The following ARHGAP23 variants were observed in gnomAD, a reference collection of about 807,000 sequenced individuals.
ARHGAP23 encodes the protein Rho GTPase activating protein 23.
A neutral mutation model predicts 136.3 loss-of-function variants in ARHGAP23; 34 were observed. The ratio of observed to expected loss-of-function variants is 0.25; its 90% CI spans 0.19 to 0.33. The LOEUF is 0.33. Ranked by LOEUF, ARHGAP23 falls within the 10% of genes least tolerant of loss-of-function variation. The probability of loss-of-function intolerance (pLI) is 1.00; values close to 1 mark genes in which losing one functional copy is unlikely to be tolerated. For synonymous variants in ARHGAP23, 832 were observed against 920.5 expected, an observed-to-expected ratio of 0.90 and a Z score of 1.74; for missense variants, 1,808 against 2,139.0, an observed-to-expected ratio of 0.85 and a Z score of 3.05.
intron 1 of ARHGAP23, chr17:38,454,161 G>GCCGC (rs2144590880): frequency 1.3e-5 from 2 of 152,658 alleles, no homozygotes; most frequent in South Asian, 3.6e-4. Flanking sequence ...CGGGGCCGGG[G>GCCGC]CCGGGGCCGG....
At chr17:38,464,970 C>A (rs190744025) in intron 6 of ARHGAP23, among the ~76,000 whole-genome samples, 1,717 of 152,282 alleles carry the variant, frequency 0.011, 19 homozygotes, top group African/African-American at 0.038. Context: ...CCTCCCTCCT[C>A]CTCCCGCCAG....
rs1000508338 is a variant in ARHGAP23 at position 38,466,788 on chromosome 17, G to A, written c.1105G>A (p.Ala369Thr). ...TTCTGCCGAGGCACTGGGGCCAGGG[G>A]CACTGGTGTCACCCCGCTTTGAGCG... ...TRSAEALGPGALVSPRFERCG... is the reference protein window; with the variant it reads ...TRSAEALGPGTLVSPRFERCG... The change falls in exon 7 of 24, where the codon GCA becomes ACA. Residue 369 changes from alanine (A) to threonine (T), a missense_variant. Coordinates refer to ENST00000622683, the MANE Select transcript of ARHGAP23 (RefSeq NM_001199417.2). 1.2e-5 allele frequency: 19 copies of A among 1,549,172 alleles called. No individual in the cohort carries two copies. Among genetic ancestry groups the A allele is most frequent in the Non-Finnish European group, 1.6e-5 (18 of 1,146,486 alleles).
chr17:38,510,971 G>A lies in ARHGAP23; in HGVS notation c.4475G>A (p.Ter1492=). The change falls in exon 24 of 24, where the codon TGA becomes TAA. Residue 1492 remains the stop codon, a stop_retained_variant. Transcript: ENST00000622683. This position sits in a 1 kb window ranked among gnomAD's most constrained non-coding sequence, Gnocchi z 4.6. ...SAASRLHQCL[*] Reference sequence around the variant, plus strand: ...GCCTCCCGCCTGCATCAGTGTCTGTGATCCCCACCTCCCGCGCCGCTCGGG... The same window carrying A: ...GCCTCCCGCCTGCATCAGTGTCTGTAATCCCCACCTCCCGCGCCGCTCGGG... The A allele has an allele frequency of 7.0e-7, 1 of 1,436,912 alleles. No homozygotes were observed. The highest frequency in any genetic ancestry group is 9.0e-7 in the Non-Finnish European group (1 of 1,107,708). 89.0% of individuals were successfully genotyped at this position (1,436,912 alleles called of 1,614,324 possible).
rs2040775925 is a variant in ARHGAP23, at chr17:38,512,110, T to C, written c.*1138T>C. On this transcript the variant is annotated 3_prime_UTR_variant, in exon 24 of 24. Coordinates refer to ENST00000622683, the MANE Select transcript of ARHGAP23 (RefSeq NM_001199417.2). ...TTTTATGCAAAGATTTACTGTAAAGTAGATTTCTTTCCCTCCCTCCCCCAT... is the reference window on the plus strand; with the variant it reads ...TTTTATGCAAAGATTTACTGTAAAGCAGATTTCTTTCCCTCCCTCCCCCAT... 6.6e-6 allele frequency: 1 copy of C among 152,176 alleles called. No individual in the cohort carries two copies. The highest frequency in any genetic ancestry group is 1.5e-5 in the Non-Finnish European group (1 of 68,028). 9.4% of individuals were successfully genotyped at this position (152,176 alleles called of 1,614,324 possible). A position where few individuals can be genotyped will look rare whatever the true frequency, so the allele number is the denominator to read the frequency against.
Position 38,500,542 on chromosome 17 carries a change from A to G in ARHGAP23, c.3416-55A>G, listed in dbSNP as rs1416581684. The G allele has an allele frequency of 3.3e-6, 5 of 1,494,812 alleles. No individual in the cohort carries two copies. In the African/African-American group the frequency reaches 5.6e-5, roughly 17 times the overall value. The allele number at this position is 1,494,812 out of a possible 1,614,324, so 92.6% of individuals were successfully genotyped here. A position where few individuals can be genotyped will look rare whatever the true frequency, so the allele number is the denominator to read the frequency against. On this transcript the variant is annotated intron_variant, in intron 22 of 23. Transcript: ENST00000622683. ...AGAGGGAATTGTGTGCATAAGACTCAGCTTTCTTTTTTCCTGATGCAACTT... is the reference window on the plus strand; with the variant it reads ...AGAGGGAATTGTGTGCATAAGACTCGGCTTTCTTTTTTCCTGATGCAACTT...
intron 1 of ARHGAP23, among the ~76,000 whole-genome samples, chr17:38,435,335 G>C (rs1346504102): frequency 2.0e-5 from 3 of 152,288 alleles, no homozygotes; most frequent in Admixed American, 6.5e-5. Flanking sequence ...TGTCATAAGA[G>C]GGTTGTAGAG....
chr17:38,449,907 CTG>C (rs1451955873), intron 1 of ARHGAP23, among the ~76,000 whole-genome samples: 1 of 152,196 alleles, frequency 6.6e-6, no homozygotes, highest in Non-Finnish European at 1.5e-5. Context: ...ACCACACGCC[CTG>C]CAACACGTCA....
intron 23 of ARHGAP23, among the ~76,000 whole-genome samples, chr17:38,505,346 A>G (rs2040610970): frequency 6.6e-6 from 1 of 151,576 alleles, no homozygotes; most frequent in Non-Finnish European, 1.5e-5. Flanking sequence ...GAGGAAGGGG[A>G]CCACTTTTGT....
At chr17:38,458,953 G>A (rs2039395405) in intron 2 of ARHGAP23, among the ~76,000 whole-genome samples, 1 of 152,162 alleles carries the variant, frequency 6.6e-6, no homozygotes, top group African/African-American at 2.4e-5. Flanking sequence ...TGTTCTCTGA[G>A]TCCAGGAACC....
At chr17:38,498,531 G>T (rs1433477540) in intron 22 of ARHGAP23, 21 bp downstream of exon 22, 1 of 1,517,192 alleles carries the variant, frequency 6.6e-7, no homozygotes, top group Admixed American at 2.1e-5. Flanking sequence ...GGGCCTGGGA[G>T]TGGGGAGGCG....
At chr17:38,459,729 A>G (rs569952220) in intron 2 of ARHGAP23, among the ~76,000 whole-genome samples, 8 of 152,274 alleles carry the variant, frequency 5.3e-5, no homozygotes, top group African/African-American at 1.9e-4. Context: ...AGGCAGGAGG[A>G]GGCTGTGTTC....
chr17:38,505,609 T>C (rs565267964), intron 23 of ARHGAP23, among the ~76,000 whole-genome samples: 2 of 152,296 alleles, frequency 1.3e-5, no homozygotes, highest in South Asian at 2.1e-4. Context: ...AATGCAGGGA[T>C]TCCCTATCTA....
rs2039987059 is a variant in ARHGAP23 at position 38,479,768 on chromosome 17, C to T, written c.2514C>T (p.Pro838=). The change falls in exon 14 of 24, where the codon CCC becomes CCT. Residue 838 remains proline, a synonymous_variant. Transcript: ENST00000622683. ...TCCTACACAGCCATAGCTCTGGGCC[C>T]AAAGCTGATTCCTCCCCCAAAGGCT... ...DYRKVSHSSG[P]KADSSPKGSR... The T allele has an allele frequency of 1.3e-6, 2 of 1,493,800 alleles. No homozygotes were observed. The highest frequency in any genetic ancestry group is 1.8e-6 in the Non-Finnish European group (2 of 1,119,008). The allele number at this position is 1,493,800 out of a possible 1,614,324, so 92.5% of individuals were successfully genotyped here. A position where few individuals can be genotyped will look rare whatever the true frequency, so the allele number is the denominator to read the frequency against.
At position 38,477,932 on chromosome 17, in the gene ARHGAP23, G is replaced by A. The variant is rs943601600; in HGVS notation, c.2436+36G>A. 5.8e-6 allele frequency: 9 copies of A among 1,545,668 alleles called. No homozygotes were observed. Among genetic ancestry groups the A allele is most frequent in the Non-Finnish European group, 7.0e-6 (8 of 1,144,788 alleles). On this transcript the variant is annotated intron_variant, in intron 12 of 23. Coordinates refer to ENST00000622683, the MANE Select transcript of ARHGAP23 (RefSeq NM_001199417.2). The surrounding 1 kb of genome is among the most constrained non-coding windows in gnomAD (Gnocchi z 6.6). ...GGCCAGCCCGGCAGCCACAGAGGGC[G>A]GGCGGGGTGGCCTCTCACCGGCTGT...
chr17:38,495,036 T>C (rs531913316), intron 20 of ARHGAP23, among the ~76,000 whole-genome samples: 2 of 152,310 alleles, frequency 1.3e-5, no homozygotes, highest in South Asian at 4.1e-4. Flanking sequence ...TGACATCTAT[T>C]ATACATTAAC....
intron 14 of ARHGAP23, among the ~76,000 whole-genome samples, chr17:38,481,383 G>C (rs1363876667): frequency 6.6e-6 from 1 of 151,994 alleles, no homozygotes; most frequent in African/African-American, 2.4e-5. Flanking sequence ...TCCTGACCTC[G>C]TGATCCGCCC....
At chr17:38,464,929 A>T (rs2039548818) in intron 6 of ARHGAP23, among the ~76,000 whole-genome samples, 1 of 152,026 alleles carries the variant, frequency 6.6e-6, no homozygotes, top group South Asian at 2.1e-4. Flanking sequence ...GCCACCACCG[A>T]CGCGGCGAGG....
chr17:38,421,308 A>T (rs1165298557), intron 1 of ARHGAP23, among the ~76,000 whole-genome samples: 2 of 152,042 alleles, frequency 1.3e-5, no homozygotes, highest in African/African-American at 4.8e-5. Flanking sequence ...GTCCTAGGAC[A>T]CCTCTGCCAA....
At chr17:38,482,871 G>A (rs1389707997) in intron 16 of ARHGAP23, among the ~76,000 whole-genome samples, 193 bp downstream of exon 16, 1 of 152,218 alleles carries the variant, frequency 6.6e-6, no homozygotes. Context: ...CATCACCCCA[G>A]GCTGAAGCTG....
Sources: allele counts gnomAD v4.1 joint callset (sites outside exome capture counted in the v4.1 genomes callset), GRCh38; gene constraint gnomAD v4.1.1; non-coding constraint Gnocchi (gnomAD v3.1); transcripts MANE v1.5; gene names NCBI Gene and HGNC (gene_info 2026-07-23, HGNC 2026-07-21).